HELB: variants seen among roughly 807,000 people sequenced by gnomAD.
HELB encodes the protein DNA 5'-3' helicase B.
HELB carries 96 observed loss-of-function variants against 101.7 expected under a neutral mutation model. The observed-to-expected ratio is 0.94, with a 90% confidence interval of 0.80 to 1.12. HELB has a LOEUF of 1.12. Ranked by LOEUF, HELB falls within the 50% of genes most tolerant of loss-of-function variation. The pLI, the probability that HELB is intolerant of heterozygous loss-of-function variation, is 0.00. For missense variants in HELB, 1,210 were observed against 1,291.9 expected, an observed-to-expected ratio of 0.94 and a Z score of 0.97; for synonymous variants, 437 against 459.7, an observed-to-expected ratio of 0.95 and a Z score of 0.63.
At chr12:66,336,370 T>C (rs536834861) in intron 12 of HELB, among the ~76,000 whole-genome samples, 2 of 152,246 alleles carry the variant, frequency 1.3e-5, no homozygotes, top group African/African-American at 4.8e-5. Context: ...AGGATCCAAT[T>C]TGGGTAATGG....
intron 7 of HELB, among the ~76,000 whole-genome samples, chr12:66,321,248 A>C (rs944898050): frequency 5.3e-5 from 8 of 152,174 alleles, no homozygotes; most frequent in East Asian, 3.8e-4. Flanking sequence ...ATCAGAAGTC[A>C]GACTACCCAA....
intron 3 of HELB, among the ~76,000 whole-genome samples, chr12:66,306,999 A>G (rs1431417214): frequency 6.6e-6 from 1 of 152,162 alleles, no homozygotes; most frequent in Non-Finnish European, 1.5e-5. Flanking sequence ...CACTAACATC[A>G]TTTACAAATG....
downstream of HELB, chr12:66,340,617 G>GT (rs2053911377): frequency 5.5e-6 from 1 of 182,674 alleles, no homozygotes; most frequent in African/African-American, 2.5e-5. Context: ...TGTGGGGGGG[G>GT]GGCGGGGAGT....
intron 2 of HELB, among the ~76,000 whole-genome samples, chr12:66,305,416 A>G (rs1473541099): frequency 6.6e-6 from 1 of 152,060 alleles, no homozygotes; most frequent in Non-Finnish European, 1.5e-5. Flanking sequence ...TTTTGTATTC[A>G]CAGCGATTAC....
At chr12:66,309,346 T>C (rs1232937894) in intron 3 of HELB, among the ~76,000 whole-genome samples, 1 of 152,038 alleles carries the variant, frequency 6.6e-6, no homozygotes, top group East Asian at 1.9e-4. Context: ...AGGAAAAATA[T>C]CTATAGTACT....
chr12:66,329,956 T>G (rs1461802440), intron 11 of HELB, among the ~76,000 whole-genome samples: 1 of 152,224 alleles, frequency 6.6e-6, no homozygotes, highest in Non-Finnish European at 1.5e-5. Flanking sequence ...AAGATGTATT[T>G]ATCAAACTTT....
At position 66,304,993 on chromosome 12, in the gene HELB, G is replaced by C; in HGVS notation, c.450G>C (p.Glu150Asp). The C allele has an allele frequency of 1.9e-6, 3 of 1,613,756 alleles. No homozygotes were observed. The highest frequency in any genetic ancestry group is 1.1e-5 in the South Asian group (1 of 91,026). ...DVNKFLTWVK[E>D]VSNYKNLNFE... ...ATAAATTTTTAACATGGGTAAAGGAGGTATCAAACTACAAAAACCTAAACT... is the reference window on the plus strand; with the variant it reads ...ATAAATTTTTAACATGGGTAAAGGACGTATCAAACTACAAAAACCTAAACT... The change falls in exon 2 of 13, where the codon GAG becomes GAC. Residue 150 changes from glutamate to aspartate, a missense_variant. By Grantham distance (45) the Glu-to-Asp change is conservative. Around this residue, in one of 2 missense-constraint regions of HELB, gnomAD observed 470 missense variants for 563.1 expected, o/e 0.83. Coordinates refer to ENST00000247815, the MANE Select transcript of HELB (RefSeq NM_001370285.1).
intron 10 of HELB, chr12:66,324,669 A>G (rs2053714666): frequency 3.1e-6 from 1 of 323,726 alleles, no homozygotes; most frequent in Non-Finnish European, 5.8e-6. Flanking sequence ...ACTGCAAAGA[A>G]TCTACTCAGA....
intron 11 of HELB, among the ~76,000 whole-genome samples, chr12:66,330,578 G>GAT (rs1056534277): frequency 1.6e-4 from 23 of 147,310 alleles, no homozygotes; most frequent in Admixed American, 1.3e-3. Flanking sequence ...TATATATATA[G>GAT]ATATATATAT....
intron 4 of HELB, among the ~76,000 whole-genome samples, chr12:66,312,305 T>TGCG (rs2053554091): frequency 6.6e-6 from 1 of 152,190 alleles, no homozygotes; most frequent in Admixed American, 6.5e-5. Flanking sequence ...TTACAGATGC[T>TGCG]GTACACTAAC....
At chr12:66,316,502 C>G (rs1422542498) in intron 6 of HELB, among the ~76,000 whole-genome samples, 1 of 151,932 alleles carries the variant, frequency 6.6e-6, no homozygotes, top group African/African-American at 2.4e-5. Flanking sequence ...CTGGGCCACA[C>G]TGGAAGAGGA....
chr12:66,305,530 G>T (rs531821728), intron 2 of HELB, among the ~76,000 whole-genome samples: 191 of 152,058 alleles, frequency 1.3e-3, no homozygotes, highest in African/African-American at 4.2e-3. Context: ...TCACTTGAGC[G>T]CAGGAGATCG....
chr12:66,339,143 C>CT (rs2053898292), downstream of HELB: 1 of 152,162 alleles, frequency 6.6e-6, no homozygotes, highest in Admixed American at 6.5e-5. Context: ...TCACCAACGT[C>CT]TGATTGCAAA....
At chr12:66,302,869 G>A in intron 1 of HELB, 79 bp downstream of exon 1, 1 of 1,279,472 alleles carries the variant, frequency 7.8e-7, no homozygotes, top group Non-Finnish European at 1.1e-6. Flanking sequence ...CCCTGAGCAA[G>A]GCACCCAGTC....
At chr12:66,323,030 G>A (rs940588236) in intron 9 of HELB, among the ~76,000 whole-genome samples, 4 of 151,858 alleles carry the variant, frequency 2.6e-5, no homozygotes, top group African/African-American at 9.7e-5. Context: ...TTCAACCTTG[G>A]CAGCCTTCAG....
rs375900424 is a variant in HELB, at chr12:66,304,875, C to G, written c.332C>G (p.Ser111Cys). The G allele has an allele frequency of 2.9e-5, 46 of 1,613,988 alleles. No individual in the cohort carries two copies. Among genetic ancestry groups the G allele is most frequent in the Non-Finnish European group, 3.8e-5 (45 of 1,180,000 alleles). ...SYQYQVQGFP[S>C]YFLQSDMSPP... is the part of the protein sequence containing the mutation. ...CAATATCAAGTTCAAGGATTTCCGTCTTACTTTTTGCAGTCTGATATGTCA... is the reference window on the plus strand; with the variant it reads ...CAATATCAAGTTCAAGGATTTCCGTGTTACTTTTTGCAGTCTGATATGTCA... The change falls in exon 2 of 13, where the codon TCT (serine) becomes TGT (cysteine). Residue 111 changes from serine (S) to cysteine (C), a missense_variant. By Grantham distance (112) the Ser-to-Cys change is moderately radical. Coordinates refer to ENST00000247815, the MANE Select transcript of HELB (RefSeq NM_001370285.1).
chr12:66,334,016 T>C (rs1030598426), intron 12 of HELB, among the ~76,000 whole-genome samples: 1 of 150,058 alleles, frequency 6.7e-6, no homozygotes, highest in African/African-American at 2.5e-5. Flanking sequence ...AAAAGTTAAC[T>C]GGGCATGGTG....
rs1029271070 is a variant in HELB, at chr12:66,322,102, T to C, written c.2237+73T>C. 12 of 619,150 alleles carry C rather than the reference T, an allele frequency of 1.9e-5. No individual in the cohort carries two copies. The African/African-American group carries it at 2.2e-4, about 12-fold the overall frequency. The allele number at this position is 619,150 out of a possible 1,614,324, so 38.4% of individuals were successfully genotyped here. On this transcript the variant is annotated intron_variant, in intron 8 of 12. Transcript: ENST00000247815. ...TCATAACTTATTAATATAGATCCTGTTTGGATGGGAGATTCCAATATTTCA... is the reference window on the plus strand; with the variant it reads ...TCATAACTTATTAATATAGATCCTGCTTGGATGGGAGATTCCAATATTTCA...
intron 12 of HELB, 151 bp downstream of exon 12, chr12:66,331,796 C>T (rs2053812859): frequency 5.2e-6 from 4 of 771,640 alleles, no homozygotes; most frequent in Non-Finnish European, 8.2e-6. Context: ...TTTCCCTTAC[C>T]TCACTGTCTG....
Sources: gnomAD v4.1 joint callset for allele counts (sites outside exome capture counted in the v4.1 genomes callset) on GRCh38, gnomAD v4.1.1 for gene constraint, gnomAD v4.1.1 regional missense constraint, MANE v1.5 for transcripts, NCBI Gene and HGNC (gene_info 2026-07-23, HGNC 2026-07-21) for gene names.